TYW1: variants seen among roughly 807,000 people sequenced by gnomAD.
TYW1 encodes the protein S-adenosyl-L-methionine-dependent tRNA 4-demethylwyosine synthase TYW1.
In TYW1, 46 loss-of-function variants were observed where a neutral mutation model predicts 96.2. The ratio of observed to expected loss-of-function variants is 0.48; its 90% CI spans 0.38 to 0.61. The LOEUF (loss-of-function observed/expected upper bound fraction) is 0.61. TYW1 is among the 20% of genes least tolerant of loss of function. The pLI is 0.00. For synonymous variants in TYW1, 274 were observed against 323.0 expected, an observed-to-expected ratio of 0.85 and a Z score of 1.63; for missense variants, 684 against 909.6, an observed-to-expected ratio of 0.75 and a Z score of 3.19.
At chr7:67,029,410 T>TATATATACATATATATATATATAC (rs1302229314) in intron 7 of TYW1, among the ~76,000 whole-genome samples, 2 of 130,206 alleles carry the variant, frequency 1.5e-5, no homozygotes, top group South Asian at 2.5e-4. Flanking sequence ...TGTGTGTGTG[T>TATATATACATATATATATATATAC]GTGTGTATAT....
intron 5 of TYW1, among the ~76,000 whole-genome samples, chr7:67,015,875 A>G (rs1452259128): frequency 1.3e-5 from 2 of 151,784 alleles, no homozygotes; most frequent in African/African-American, 2.4e-5. Flanking sequence ...AGGCAGGAGA[A>G]TGGCGTGTAC....
intron 3 of TYW1, among the ~76,000 whole-genome samples, chr7:67,006,092 G>A (rs1793575238): frequency 6.6e-6 from 1 of 152,148 alleles, no homozygotes; most frequent in South Asian, 2.1e-4. Context: ...CAAATCTTAC[G>A]TCGGATCGTA....
intron 15 of TYW1, among the ~76,000 whole-genome samples, chr7:67,197,564 G>A (rs918993082): frequency 8.5e-5 from 13 of 152,312 alleles, no homozygotes; most frequent in African/African-American, 2.9e-4. Context: ...GACCTCAAGT[G>A]ATACACCTGT....
chr7:67,206,521 C>G (rs574021786), intron 15 of TYW1, among the ~76,000 whole-genome samples: 2 of 152,028 alleles, frequency 1.3e-5, no homozygotes, highest in Admixed American at 1.3e-4. Context: ...ATCACAACTA[C>G]TTGGGAGGCG....
At position 67,009,967 on chromosome 7, in the gene TYW1, A is replaced by G. The variant is rs574388790; in HGVS notation, c.375+283A>G. Among the ~76,000 whole-genome samples the G allele has an allele frequency of 6.5e-4, 98 of 150,362 alleles. 1 individual carries two copies. Among genetic ancestry groups the G allele is most frequent in the Non-Finnish European group, 1.1e-3 (77 of 67,780 alleles). On this transcript the variant is annotated intron_variant, in intron 4 of 15. Transcript: ENST00000359626. The stretch of plus-strand genomic sequence containing the variant: ...TGGTTGGAAGTTCACTCCTTCCCAC[A>G]ATTTTCTTTTTTCTTTTCTTTTTTT...
chr7:67,078,678 T>G (rs779498901), intron 10 of TYW1, among the ~76,000 whole-genome samples: 1 of 152,128 alleles, frequency 6.6e-6, no homozygotes, highest in South Asian at 2.1e-4. Flanking sequence ...CTCAGTGATA[T>G]GAAATTTTCT....
intron 13 of TYW1, among the ~76,000 whole-genome samples, chr7:67,128,697 T>G (rs1407339707): frequency 1.3e-5 from 2 of 150,754 alleles, no homozygotes; most frequent in Non-Finnish European, 3.0e-5. Context: ...AGTGTTTTTT[T>G]TTTTTTTTTT....
intron 14 of TYW1, among the ~76,000 whole-genome samples, chr7:67,194,546 A>T (rs893714074): frequency 2.6e-5 from 4 of 152,078 alleles, no homozygotes; most frequent in Admixed American, 6.6e-5. Flanking sequence ...ACTCTCTTGA[A>T]CCAGGAAGTG....
intron 13 of TYW1, among the ~76,000 whole-genome samples, chr7:67,163,252 G>A (rs1354350474): frequency 6.6e-6 from 1 of 152,094 alleles, no homozygotes; most frequent in Admixed American, 6.5e-5. Context: ...TTCCCAAAGT[G>A]TAAATACCAC....
intron 7 of TYW1, among the ~76,000 whole-genome samples, chr7:67,036,558 C>T (rs1794849023): frequency 1.3e-5 from 2 of 152,190 alleles, no homozygotes; most frequent in Admixed American, 1.3e-4. Flanking sequence ...AGCCAGAGGT[C>T]AGGAGGGCCC....
chr7:67,025,613 G>C (rs1373073928), intron 7 of TYW1, among the ~76,000 whole-genome samples: 1 of 152,132 alleles, frequency 6.6e-6, no homozygotes, highest in African/African-American at 2.4e-5. Flanking sequence ...TGGCAGCCTG[G>C]TCTGTGGGTG....
chr7:67,047,337 C>T (rs1176961867), intron 7 of TYW1, among the ~76,000 whole-genome samples: 3 of 152,096 alleles, frequency 2.0e-5, no homozygotes, highest in Non-Finnish European at 2.9e-5. Flanking sequence ...TTGAGACCAG[C>T]GTGGGCAACA....
chr7:67,220,445 C>T (rs1301596403), intron 15 of TYW1, among the ~76,000 whole-genome samples: 10 of 152,036 alleles, frequency 6.6e-5, no homozygotes, highest in Admixed American at 5.2e-4. Context: ...CCTCGTGATC[C>T]GCCTGCCTTG....
chr7:67,197,240 A>G (rs993528223), intron 15 of TYW1, among the ~76,000 whole-genome samples: 1 of 152,018 alleles, frequency 6.6e-6, no homozygotes, highest in South Asian at 2.1e-4. Context: ...TAATTTGGTG[A>G]ATGCTTAATA....
intron 15 of TYW1, among the ~76,000 whole-genome samples, chr7:67,201,289 G>T (rs1443425835): frequency 7.6e-6 from 1 of 131,982 alleles, no homozygotes; most frequent in Non-Finnish European, 1.5e-5. Context: ...AACAGAGTGA[G>T]ACCCTCCTCC....
At chr7:67,031,189 T>C (rs1220926656) in intron 7 of TYW1, among the ~76,000 whole-genome samples, 1 of 106,292 alleles carries the variant, frequency 9.4e-6, no homozygotes, top group Non-Finnish European at 1.9e-5. Flanking sequence ...CGAGACTCCA[T>C]CTCAAAAAAA....
At chr7:67,142,871 G>A (rs901431417) in intron 13 of TYW1, among the ~76,000 whole-genome samples, 4 of 152,198 alleles carry the variant, frequency 2.6e-5, no homozygotes, top group South Asian at 2.1e-4. Flanking sequence ...GGCCAACATG[G>A]TGAAACCCCA....
intron 9 of TYW1, among the ~76,000 whole-genome samples, chr7:67,060,323 G>A (rs1262887643): frequency 2.0e-4 from 30 of 152,300 alleles, no homozygotes; most frequent in South Asian, 2.1e-4. Flanking sequence ...TGATCCGTCC[G>A]CCTTGGCCTC....
chr7:67,236,921 C>T (rs1034093618), intron 15 of TYW1, among the ~76,000 whole-genome samples: 17 of 151,990 alleles, frequency 1.1e-4, no homozygotes, highest in Non-Finnish European at 1.0e-4. Context: ...ATTTCACTCA[C>T]GTCACTGAGG....
Sources: gnomAD v4.1 joint callset for allele counts (sites outside exome capture counted in the v4.1 genomes callset) on GRCh38, gnomAD v4.1.1 for gene constraint, MANE v1.5 for transcripts, NCBI Gene and HGNC (gene_info 2026-07-23, HGNC 2026-07-21) for gene names.